Variants in NLGN4Y observed in about 807,000 individuals in gnomAD.
The protein encoded by NLGN4Y is neuroligin-4, Y-linked.
In NLGN4Y, 4 loss-of-function variants were observed where a neutral mutation model predicts 8.4. That is an observed-to-expected ratio of 0.48 (90% CI 0.23 to 1.09). NLGN4Y has a LOEUF of 1.09. Among genes scored for constraint, NLGN4Y ranks in the 50% least tolerant of loss-of-function variants. NLGN4Y has a pLI of 0.19. For missense variants in NLGN4Y, 90 were observed against 192.3 expected, an observed-to-expected ratio of 0.47 and a Z score of 3.15; for synonymous variants, 35 against 75.6, an observed-to-expected ratio of 0.46 and a Z score of 2.78.
chrY:14,603,152 G>A (rs2080434569), intron 1 of NLGN4Y, among the ~76,000 whole-genome samples: 1 of 32,366 alleles, frequency 3.1e-5, no homozygotes, highest in Admixed American at 2.9e-4. Flanking sequence ...GTGTGTGTGC[G>A]TGGTGTGTGT....
intron 4 of NLGN4Y, among the ~76,000 whole-genome samples, chrY:14,770,295 A>G: frequency 6.0e-5 from 2 of 33,194 alleles, no homozygotes; most frequent in African/African-American, 2.4e-4. Context: ...CACCTCACAC[A>G]GGAGAGATCT....
intron 4 of NLGN4Y, among the ~76,000 whole-genome samples, chrY:14,811,931 A>G: frequency 3.0e-5 from 1 of 33,731 alleles, no homozygotes; most frequent in Non-Finnish European, 7.4e-5. Flanking sequence ...ATGTTTTTAA[A>G]TAACCACACT....
intron 4 of NLGN4Y, among the ~76,000 whole-genome samples, chrY:14,790,507 A>G: frequency 3.0e-5 from 1 of 33,232 alleles, no homozygotes. Flanking sequence ...AAATGTAAGT[A>G]TTTAAGTGTT....
In NLGN4Y at chrY:14,589,502, CTTGAGCTAAACACAGGGTGCT is replaced by C; in HGVS notation, c.-111-32506_-111-32486del. Among the ~76,000 whole-genome samples, 4 of 32,957 alleles carry C rather than the reference CTTGAGCTAAACACAGGGTGCT, an allele frequency of 1.2e-4. No individual in the cohort carries two copies. In the South Asian group the frequency reaches 2.9e-3, roughly 24 times the overall value. The allele number at this position is 32,957 out of a possible 37,273, so 88.4% of individuals were successfully genotyped here. ...AGTGTCGACTGGTGCACTCACAAAC[CTTGAGCTAAACACAGGGTGCT>C]GATTGGTGTATTTACAATCCCTGAG... is the stretch of plus-strand genomic sequence containing the variant. On this transcript the variant is annotated intron_variant, in intron 1 of 6. Transcript: ENST00000684976.
At chrY:14,642,001 C>T in intron 2 of NLGN4Y, among the ~76,000 whole-genome samples, 1 of 33,818 alleles carries the variant, frequency 3.0e-5, no homozygotes, top group South Asian at 6.7e-4. Context: ...GTCTTCCTAG[C>T]ATACCCTTTC....
In NLGN4Y at chrY:14,841,804, G is replaced by T. The variant is rs1441640771; in HGVS notation, c.*542G>T. ...AGCGAATTGACTGTGCAGAAAAATT[G>T]TAGGGTTCTGTGGAAGGAGGTATTC... On this transcript the variant is annotated 3_prime_UTR_variant, in exon 7 of 7. Transcript: ENST00000684976. The T allele has an allele frequency of 8.2e-6, 1 of 121,598 alleles. No homozygotes were observed. Among genetic ancestry groups the T allele is most frequent in the South Asian group, 3.9e-5 (1 of 25,696 alleles). The allele number at this position is 121,598 out of a possible 400,897, so 30.3% of individuals were successfully genotyped here. A position where few individuals can be genotyped will look rare whatever the true frequency, so the allele number is the denominator to read the frequency against.
intron 1 of NLGN4Y, among the ~76,000 whole-genome samples, chrY:14,534,768 C>CGTGTGTGTGTGTGTGT (rs112527610): frequency 5.0e-5 from 1 of 20,127 alleles, no homozygotes; most frequent in South Asian, 1.2e-3. Flanking sequence ...TTTTATCTCT[C>CGTGTGTGTGTGTGTGT]GTGTGTGTGT....
intron 1 of NLGN4Y, among the ~76,000 whole-genome samples, chrY:14,602,409 A>G (rs1603501068): frequency 9.0e-5 from 3 of 33,275 alleles, no homozygotes; most frequent in Admixed American, 5.5e-4. Flanking sequence ...CTGTTTTTGT[A>G]TATCAGTGTG....
chrY:14,746,493 C>T, intron 4 of NLGN4Y, among the ~76,000 whole-genome samples: 2 of 33,571 alleles, frequency 6.0e-5, no homozygotes, highest in African/African-American at 2.3e-4. Flanking sequence ...TCATGTATGG[C>T]AGGGCCACCC....
chrY:14,759,592 G>C, intron 4 of NLGN4Y, among the ~76,000 whole-genome samples: 1 of 34,606 alleles, frequency 2.9e-5, no homozygotes, highest in Non-Finnish European at 7.2e-5. Context: ...ACAGGCGTGA[G>C]CCGCCGTGCA....
intron 2 of NLGN4Y, among the ~76,000 whole-genome samples, chrY:14,666,057 T>G (rs754364032): frequency 9.1e-5 from 3 of 33,149 alleles, no homozygotes; most frequent in African/African-American, 3.5e-4. Context: ...TAGTTTTTAT[T>G]TTAATATTAT....
chrY:14,762,014 G>A (rs2081080843), intron 4 of NLGN4Y, among the ~76,000 whole-genome samples: 1 of 32,547 alleles, frequency 3.1e-5, no homozygotes, highest in Non-Finnish European at 7.5e-5. Context: ...TAGCTGCTGG[G>A]CATGGTGGTA....
intron 2 of NLGN4Y, among the ~76,000 whole-genome samples, chrY:14,654,910 C>T: frequency 3.0e-5 from 1 of 33,204 alleles, no homozygotes; most frequent in African/African-American, 1.2e-4. Context: ...TTGTATTATA[C>T]TGCTGTATTC....
intron 2 of NLGN4Y, among the ~76,000 whole-genome samples, chrY:14,671,165 A>G (rs982974565): frequency 1.2e-4 from 4 of 33,816 alleles, no homozygotes; most frequent in Non-Finnish European, 2.9e-4. Context: ...CATGTGATAG[A>G]GGAAACTAGC....
chrY:14,771,994 A>G (rs768503825), intron 4 of NLGN4Y, among the ~76,000 whole-genome samples: 284 of 33,383 alleles, frequency 8.5e-3, no homozygotes, highest in African/African-American at 0.032. Context: ...TAACATCACA[A>G]TTGAAAGAAC....
intron 2 of NLGN4Y, among the ~76,000 whole-genome samples, chrY:14,702,285 T>A: frequency 9.3e-5 from 3 of 32,412 alleles, no homozygotes; most frequent in Non-Finnish European, 2.3e-4. Flanking sequence ...TAATGTTAGG[T>A]ATATCTCCTA....
At chrY:14,655,372 C>CT (rs2080646644) in intron 2 of NLGN4Y, among the ~76,000 whole-genome samples, 1 of 24,217 alleles carries the variant, frequency 4.1e-5, no homozygotes, top group East Asian at 1.1e-3. Context: ...CTTTCTGGGT[C>CT]TTTTTTTTAT....
intron 4 of NLGN4Y, among the ~76,000 whole-genome samples, chrY:14,733,963 G>C: frequency 3.0e-5 from 1 of 33,213 alleles, no homozygotes; most frequent in Admixed American, 2.8e-4. Context: ...CATGTTAACA[G>C]CTCAGTGGTG....
At chrY:14,585,250 G>A in intron 1 of NLGN4Y, among the ~76,000 whole-genome samples, 1 of 33,404 alleles carries the variant, frequency 3.0e-5, no homozygotes, top group Admixed American at 2.7e-4. Flanking sequence ...ATGCTTGAGG[G>A]TATGATACCC....
Sources: gnomAD v4.1 joint callset for allele counts (sites outside exome capture counted in the v4.1 genomes callset) on GRCh38, gnomAD v4.1.1 for gene constraint, MANE v1.5 for transcripts, NCBI Gene and HGNC (gene_info 2026-07-23, HGNC 2026-07-21) for gene names.